FAR2: variants seen among roughly 807,000 people sequenced by gnomAD.
FAR2 encodes the protein fatty acyl-CoA reductase 2, also known as epididymis secretory protein Li 81.
Under a neutral mutation model 56.0 loss-of-function variants are expected in FAR2, and 19 were observed. The observed-to-expected ratio is 0.34, with a 90% CI of 0.24 to 0.50. The LOEUF (loss-of-function observed/expected upper bound fraction) is 0.50, where lower values mean the gene tolerates loss of function less well. Ranked by LOEUF, FAR2 falls within the 20% of genes least tolerant of loss-of-function variation. The pLI, the probability that FAR2 is intolerant of heterozygous loss-of-function variation, is 0.98. For synonymous variants in FAR2, 219 were observed against 218.8 expected (o/e 1.00, Z -0.01); for missense variants, 508 against 642.2 (o/e 0.79, Z 2.26).
At chr12:29,249,175 T>A (rs1948171522) in intron 1 of FAR2, among the ~76,000 whole-genome samples, 1 of 152,206 alleles carries the variant, frequency 6.6e-6, no homozygotes, top group African/African-American at 2.4e-5. Flanking sequence ...TTACAATTTA[T>A]GTTTAGAGAT....
chr12:29,253,280 G>GATATCTATCTAGATAGATATCTAT lies in FAR2; in HGVS notation c.-38-17124_-38-17123insCTAGATAGATATCTATATATCTAT, dbSNP rs1555114530. Among the ~76,000 whole-genome samples, 32 of 80,574 alleles carry GATATCTATCTAGATAGATATCTAT rather than the reference G, an allele frequency of 4.0e-4. 2 individuals are homozygous for GATATCTATCTAGATAGATATCTAT. The highest frequency in any genetic ancestry group is 1.2e-3 in the African/African-American group (20 of 17,168). 52.9% of individuals were successfully genotyped at this position (80,574 alleles called of 152,430 possible). A position where few individuals can be genotyped will look rare whatever the true frequency, so the allele number is the denominator to read the frequency against. On this transcript the variant is annotated intron_variant, in intron 1 of 11. Coordinates refer to ENST00000536681, the MANE Select transcript of FAR2 (RefSeq NM_001271783.2). ...CTATCTAGATAGATATCTATATATCGATATCTATATCTATCTAGATAGATA... is the reference window on the plus strand; with the variant it reads ...CTATCTAGATAGATATCTATATATCGATATCTATCTAGATAGATATCTATATATCTATATCTATCTAGATAGATA...
rs113660708 is a variant in FAR2, at chr12:29,272,237, T to C, written c.189+1599T>C. ...ATCCTAAAATGTGTTTTCCAGCTTGTTTCCATTCTCCCCGTCTCCTTCTGG... is the reference window on the plus strand; with the variant it reads ...ATCCTAAAATGTGTTTTCCAGCTTGCTTCCATTCTCCCCGTCTCCTTCTGG... On this transcript the variant is annotated intron_variant, in intron 2 of 11. Transcript: ENST00000536681. 6.0e-3 allele frequency among the ~76,000 whole-genome samples: 916 copies of C among 152,332 alleles called. 10 individuals carry two copies. The highest frequency in any genetic ancestry group is 0.02 in the African/African-American group (831 of 41,566).
At chr12:29,205,454 A>G (rs1356951708) in intron 1 of FAR2, among the ~76,000 whole-genome samples, 1 of 152,180 alleles carries the variant, frequency 6.6e-6, no homozygotes, top group Non-Finnish European at 1.5e-5. Context: ...GTGTTTGTTG[A>G]ATGGTTAAAA....
At chr12:29,254,097 T>C (rs1948276999) in intron 1 of FAR2, among the ~76,000 whole-genome samples, 3 of 152,322 alleles carry the variant, frequency 2.0e-5, no homozygotes, top group African/African-American at 4.8e-5. Flanking sequence ...TTGGTTTTTC[T>C]TGACTATGGA....
rs111851349 is a variant in FAR2, at chr12:29,211,381, A to G, written c.-38-59031A>G. Among the ~76,000 whole-genome samples the G allele has an allele frequency of 4.0e-3, 606 of 152,352 alleles. 5 individuals carry two copies. The highest frequency in any genetic ancestry group is 0.014 in the African/African-American group (579 of 41,572). On this transcript the variant is annotated intron_variant, in intron 1 of 11. Coordinates refer to ENST00000536681, the MANE Select transcript of FAR2 (RefSeq NM_001271783.2). Reference sequence around the variant, plus strand: ...GATAAGCTCCTCCTAGCCTCTTTCTAAGACTTTAAAGAGTGCTTTACATTT... The same window carrying G: ...GATAAGCTCCTCCTAGCCTCTTTCTGAGACTTTAAAGAGTGCTTTACATTT...
chr12:29,205,564 T>C (rs942024939), intron 1 of FAR2, among the ~76,000 whole-genome samples: 3 of 152,196 alleles, frequency 2.0e-5, no homozygotes, highest in Admixed American at 6.5e-5. Context: ...AGCCAAATGC[T>C]ACCAGAGGCT....
In FAR2 at chr12:29,333,985, T is replaced by C. The variant is rs566044768; in HGVS notation, c.*191T>C. The C allele has an allele frequency of 5.2e-5, 25 of 479,802 alleles. No homozygotes were observed. The highest frequency in any genetic ancestry group is 5.7e-4 in the Middle Eastern group (1 of 1,762). 29.7% of individuals were successfully genotyped at this position (479,802 alleles called of 1,614,324 possible). A position where few individuals can be genotyped will look rare whatever the true frequency, so the allele number is the denominator to read the frequency against. On this transcript the variant is annotated 3_prime_UTR_variant, in exon 12 of 12. Transcript: ENST00000536681. ...AGAAGGAAAGTTGTAAACTAGCCCA[T>C]AGTCACCTATATTTTAGGGAAAAAA...
intron 1 of FAR2, among the ~76,000 whole-genome samples, chr12:29,186,755 A>ATTTATTTATTATTTAT (rs1481530321): frequency 7.1e-4 from 33 of 46,366 alleles, no homozygotes; most frequent in African/African-American, 1.3e-3. Context: ...TTCTTTATTT[A>ATTTATTTATTATTTAT]TTATTTATTT....
chr12:29,284,609 T>C (rs1465215252), intron 2 of FAR2, among the ~76,000 whole-genome samples: 2 of 152,180 alleles, frequency 1.3e-5, no homozygotes, highest in Non-Finnish European at 2.9e-5. Context: ...CATGATTAGA[T>C]TTAAGACAAT....
chr12:29,325,633 C>T (rs971921168), intron 10 of FAR2, among the ~76,000 whole-genome samples: 2 of 152,152 alleles, frequency 1.3e-5, no homozygotes, highest in Admixed American at 6.5e-5. Context: ...AACTGAACAA[C>T]CTGCTCCTCA....
At chr12:29,159,774 A>G (rs903498458) in intron 1 of FAR2, among the ~76,000 whole-genome samples, 1 of 152,176 alleles carries the variant, frequency 6.6e-6, no homozygotes, top group Non-Finnish European at 1.5e-5. Context: ...CTAAAGATAG[A>G]CACAAACTCT....
At chr12:29,257,884 G>A (rs1371099909) in intron 1 of FAR2, among the ~76,000 whole-genome samples, 3 of 152,210 alleles carry the variant, frequency 2.0e-5, no homozygotes, top group African/African-American at 4.8e-5. Context: ...CACCAATTCC[G>A]GCCACAGGAT....
chr12:29,155,342 A>G (rs1450814147), intron 1 of FAR2, among the ~76,000 whole-genome samples: 1 of 152,228 alleles, frequency 6.6e-6, no homozygotes, highest in East Asian at 1.9e-4. Flanking sequence ...TGAGTCTCAT[A>G]TATCCACTTC....
intron 1 of FAR2, among the ~76,000 whole-genome samples, chr12:29,157,597 A>C (rs554877822): frequency 6.6e-6 from 1 of 152,308 alleles, no homozygotes; most frequent in African/African-American, 2.4e-5. Flanking sequence ...TAACAGGATG[A>C]CCATAGGAGG....
chr12:29,251,528 G>C (rs368005359), intron 1 of FAR2, among the ~76,000 whole-genome samples: 1 of 152,184 alleles, frequency 6.6e-6, no homozygotes, highest in African/African-American at 2.4e-5. Flanking sequence ...GTTTAGATCT[G>C]TCTCACAGTA....
intron 1 of FAR2, among the ~76,000 whole-genome samples, chr12:29,247,806 A>C (rs1390114416): frequency 6.6e-6 from 1 of 152,238 alleles, no homozygotes; most frequent in Non-Finnish European, 1.5e-5. Flanking sequence ...TTGTGAGAAG[A>C]AATTAAGATA....
At chr12:29,296,759 C>T (rs1591941553) in intron 3 of FAR2, among the ~76,000 whole-genome samples, 2 of 152,066 alleles carry the variant, frequency 1.3e-5, no homozygotes, top group Admixed American at 1.3e-4. Flanking sequence ...ATTCTTTTTC[C>T]GGTTGATTAG....
chr12:29,315,438 T>G (rs1179538628), intron 8 of FAR2, among the ~76,000 whole-genome samples: 2 of 152,124 alleles, frequency 1.3e-5, no homozygotes, highest in African/African-American at 4.8e-5. Flanking sequence ...GAGATTCCAC[T>G]GAAGGGCTCT....
chr12:29,204,969 G>A (rs1047685971), intron 1 of FAR2, among the ~76,000 whole-genome samples: 4 of 152,182 alleles, frequency 2.6e-5, no homozygotes, highest in African/African-American at 7.2e-5. Flanking sequence ...AGATTTGGTG[G>A]AGACACAGAT....
Sources: gnomAD v4.1 joint callset for allele counts (sites outside exome capture counted in the v4.1 genomes callset) on GRCh38, gnomAD v4.1.1 for gene constraint, MANE v1.5 for transcripts, NCBI Gene and HGNC (gene_info 2026-07-23, HGNC 2026-07-21) for gene names.